The following ST6GAL1 variants were observed in gnomAD, a reference collection of about 807,000 sequenced individuals.
ST6GAL1 encodes the protein beta-galactoside alpha-2,6-sialyltransferase 1.
ST6GAL1 carries 20 observed loss-of-function variants against 38.0 expected under a neutral mutation model. The observed-to-expected ratio is 0.53, with a 90% confidence interval of 0.37 to 0.77. The LOEUF (loss-of-function observed/expected upper bound fraction) is 0.77, where lower values mean the gene tolerates loss of function less well. Ranked by LOEUF, ST6GAL1 falls within the 30% of genes least tolerant of loss-of-function variation. The probability of loss-of-function intolerance (pLI) is 0.00; values close to 1 mark genes in which losing one functional copy is unlikely to be tolerated. For synonymous variants in ST6GAL1, 196 were observed against 188.2 expected (o/e 1.04, Z -0.34); for missense variants, 432 against 496.4 (o/e 0.87, Z 1.23).
At chr3:187,017,873 T>A (rs1345775788) in intron 2 of ST6GAL1, among the ~76,000 whole-genome samples, 1 of 152,242 alleles carries the variant, frequency 6.6e-6, no homozygotes, top group Non-Finnish European at 1.5e-5. Context: ...TTGTCCTCAC[T>A]AAAGACAGAG....
chr3:187,011,850 C>A (rs1026225800), intron 2 of ST6GAL1, among the ~76,000 whole-genome samples: 2 of 152,198 alleles, frequency 1.3e-5, no homozygotes, highest in Admixed American at 6.5e-5. Context: ...GGAACTAATT[C>A]AAATTGCTAA....
chr3:187,044,992 C>A (rs80307905), intron 4 of ST6GAL1, among the ~76,000 whole-genome samples: 5,022 of 152,094 alleles, frequency 0.033, 307 homozygotes, highest in African/African-American at 0.12. Flanking sequence ...TTCATATATT[C>A]TTTTATTTAT....
intron 1 of ST6GAL1, among the ~76,000 whole-genome samples, chr3:186,962,695 T>C (rs1366477310): frequency 1.3e-5 from 2 of 152,096 alleles, no homozygotes; most frequent in African/African-American, 4.8e-5. Flanking sequence ...CCAAAGAAAA[T>C]AATCATGGGA....
At chr3:187,058,672 C>T (rs899590816) in intron 5 of ST6GAL1, among the ~76,000 whole-genome samples, 3 of 151,600 alleles carry the variant, frequency 2.0e-5, no homozygotes, top group East Asian at 1.9e-4. Flanking sequence ...GATGGAGTTT[C>T]GCTCTGTCAC....
rs1216440452 is a variant in ST6GAL1, at chr3:187,044,244, T to C, written c.607+934T>C. 2.6e-5 allele frequency among the ~76,000 whole-genome samples: 4 copies of C among 152,368 alleles called. No individual in the cohort carries two copies. The East Asian group carries it at 7.7e-4, about 29-fold the overall frequency. ...TATTTCTCTTATGCTGAATGTGTTT[T>C]CCATTATTTGAAATGAATCAGCTAA... On this transcript the variant is annotated intron_variant, in intron 4 of 7. Transcript: ENST00000169298.
At chr3:186,962,171 A>G (rs969285475) in intron 1 of ST6GAL1, among the ~76,000 whole-genome samples, 3 of 152,078 alleles carry the variant, frequency 2.0e-5, no homozygotes, top group African/African-American at 7.2e-5. Flanking sequence ...CACCCATCGC[A>G]TGGCTCACTT....
intron 1 of ST6GAL1, among the ~76,000 whole-genome samples, chr3:186,960,969 CT>C (rs531371070): frequency 0.13 from 16,295 of 124,678 alleles, 1,720 homozygotes; most frequent in African/African-American, 0.31. Context: ...ATCATTTGAT[CT>C]TTTTTTTTTT....
At chr3:186,970,976 G>A (rs1579282646) in intron 2 of ST6GAL1, among the ~76,000 whole-genome samples, 2 of 152,156 alleles carry the variant, frequency 1.3e-5, no homozygotes, top group Non-Finnish European at 2.9e-5. Context: ...TTGAAGAAAC[G>A]GCCAAACCAT....
rs79688667 is a variant in ST6GAL1 at position 187,031,734 on chromosome 3, C to T, written c.-182-7008C>T. On this transcript the variant is annotated intron_variant, in intron 2 of 7. Coordinates refer to ENST00000169298, the MANE Select transcript of ST6GAL1 (RefSeq NM_173216.2). ...ACAGGCATGAGCCACAGTACCTGGC[C>T]GAGTGGATTATTTTACTTGATTCTG... Among the ~76,000 whole-genome samples, 60 of 152,252 alleles carry T rather than the reference C, an allele frequency of 3.9e-4. 1 individual carries two copies. The highest frequency in any genetic ancestry group is 1.3e-3 in the African/African-American group (56 of 41,548).
chr3:187,027,039 ACT>A (rs1323481433), intron 2 of ST6GAL1, among the ~76,000 whole-genome samples: 1 of 151,912 alleles, frequency 6.6e-6, no homozygotes, highest in Non-Finnish European at 1.5e-5. Context: ...ACAGAGGGAG[ACT>A]CTGTCTCCAA....
At chr3:187,013,381 T>C (rs10212575) in intron 2 of ST6GAL1, among the ~76,000 whole-genome samples, 2,582 of 152,244 alleles carry the variant, frequency 0.017, 64 homozygotes, top group African/African-American at 0.058. Context: ...AGAAGATAAG[T>C]GACTTTTCTG....
chr3:187,005,567 G>T (rs1012774478), intron 2 of ST6GAL1, among the ~76,000 whole-genome samples: 1 of 152,088 alleles, frequency 6.6e-6, no homozygotes, highest in African/African-American at 2.4e-5. Flanking sequence ...GAGCCACGGC[G>T]CCCGGCATCT....
At chr3:186,956,558 C>T (rs536161050) in intron 1 of ST6GAL1, among the ~76,000 whole-genome samples, 1 of 152,228 alleles carries the variant, frequency 6.6e-6, no homozygotes, top group Non-Finnish European at 1.5e-5. Context: ...TCGCTGCTCC[C>T]AGCACTTTTT....
intron 1 of ST6GAL1, among the ~76,000 whole-genome samples, chr3:186,948,526 C>T (rs996286529): frequency 5.5e-5 from 7 of 128,416 alleles, no homozygotes; most frequent in African/African-American, 2.1e-4. Context: ...TTCAGAAACT[C>T]TAGTGTGTGT....
At chr3:186,969,010 A>G (rs572186130) in intron 2 of ST6GAL1, among the ~76,000 whole-genome samples, 1 of 148,510 alleles carries the variant, frequency 6.7e-6, no homozygotes, top group East Asian at 2.0e-4. Flanking sequence ...ACTTGGTATG[A>G]TCTATCTTTT....
At chr3:186,966,229 G>T (rs1188892733) in intron 2 of ST6GAL1, among the ~76,000 whole-genome samples, 1 of 152,146 alleles carries the variant, frequency 6.6e-6, no homozygotes, top group Non-Finnish European at 1.5e-5. Context: ...AGAATCTTTA[G>T]ATCTATTTAT....
intron 2 of ST6GAL1, chr3:186,986,237 GAC>G (rs1271057689): frequency 6.6e-6 from 1 of 152,070 alleles, no homozygotes; most frequent in Non-Finnish European, 1.5e-5. Flanking sequence ...TGGGGTAAAT[GAC>G]ACACTAAGCT....
intron 5 of ST6GAL1, among the ~76,000 whole-genome samples, chr3:187,065,890 C>T (rs1719093696): frequency 1.3e-5 from 2 of 152,172 alleles, no homozygotes; most frequent in South Asian, 2.1e-4. Context: ...TGACCACCAA[C>T]CACCATTTTA....
In ST6GAL1 at chr3:187,075,851, T is replaced by G. The variant is rs753905555; in HGVS notation, c.*48T>G. On this transcript the variant is annotated 3_prime_UTR_variant, in exon 8 of 8. Coordinates refer to ENST00000169298, the MANE Select transcript of ST6GAL1 (RefSeq NM_173216.2). This position sits in a 1 kb window ranked among gnomAD's most constrained non-coding sequence, Gnocchi z 4.1. ...CATCAGGCATTAAATGAATGGTCTC[T>G]TGGCCACCCCAGCCTGGGAAGAACA... 5 of 1,605,838 alleles carry G rather than the reference T, an allele frequency of 3.1e-6. No homozygotes were observed. In the Admixed American group the frequency reaches 8.4e-5, roughly 27 times the overall value.
Sources: allele counts gnomAD v4.1 joint callset (sites outside exome capture counted in the v4.1 genomes callset), GRCh38; gene constraint gnomAD v4.1.1; non-coding constraint Gnocchi (gnomAD v3.1); transcripts MANE v1.5; gene names NCBI Gene and HGNC (gene_info 2026-07-23, HGNC 2026-07-21).